Variants in ADGRV1 observed in about 807,000 individuals in gnomAD.
ADGRV1 encodes the protein G-protein coupled receptor 98.
In ADGRV1, 359 loss-of-function variants were observed where a neutral mutation model predicts 596.2. That is an observed-to-expected ratio of 0.60 (90% CI 0.55 to 0.66). The LOEUF (loss-of-function observed/expected upper bound fraction) is 0.66. Ranked by LOEUF, ADGRV1 falls within the 30% of genes least tolerant of loss-of-function variation. The pLI is 0.00. For missense variants in ADGRV1, 7,274 were observed against 7,575.6 expected, an observed-to-expected ratio of 0.96 and a Z score of 1.48; for synonymous variants, 2,681 against 2,679.2, an observed-to-expected ratio of 1.00 and a Z score of -0.02.
At chr5:90,819,606 G>C (rs1323602383) in intron 75 of ADGRV1, among the ~76,000 whole-genome samples, 16 of 150,814 alleles carry the variant, frequency 1.1e-4, no homozygotes, top group Admixed American at 7.9e-4. Flanking sequence ...AGAGATTCTG[G>C]TATGTTGTGT....
At chr5:90,925,219 G>T (rs902734831) in intron 83 of ADGRV1, among the ~76,000 whole-genome samples, 11 of 151,870 alleles carry the variant, frequency 7.2e-5, no homozygotes, top group Non-Finnish European at 1.5e-4. Flanking sequence ...AGTTACCTTG[G>T]GCAGTATGGC....
At chr5:90,843,866 A>G (rs942452751) in intron 78 of ADGRV1, among the ~76,000 whole-genome samples, 1 of 152,204 alleles carries the variant, frequency 6.6e-6, no homozygotes, top group Non-Finnish European at 1.5e-5. Context: ...AATGTATTTA[A>G]AAGTGCAAGA....
chr5:90,907,062 A>G (rs1252198674), intron 83 of ADGRV1, among the ~76,000 whole-genome samples: 1 of 152,176 alleles, frequency 6.6e-6, no homozygotes, highest in African/African-American at 2.4e-5. Flanking sequence ...GTTAAGATAC[A>G]TATATGAAAT....
intron 83 of ADGRV1, among the ~76,000 whole-genome samples, chr5:90,873,682 C>G (rs1768930597): frequency 6.6e-6 from 1 of 152,052 alleles, no homozygotes; most frequent in Non-Finnish European, 1.5e-5. Context: ...GTAGTCCCAG[C>G]TGCTCTGGAG....
chr5:90,886,959 T>C (rs1770357022), intron 83 of ADGRV1, among the ~76,000 whole-genome samples: 1 of 152,198 alleles, frequency 6.6e-6, no homozygotes, highest in African/African-American at 2.4e-5. Context: ...ATGTGACAAC[T>C]GAAATAGTCT....
Position 90,647,629 on chromosome 5 carries a change from T to A in ADGRV1, c.3154T>A (p.Phe1052Ile), listed in dbSNP as rs966044688. The change falls in exon 17 of 90, where the codon TTC becomes ATC. Residue 1052 changes from phenylalanine to isoleucine, a missense_variant. By Grantham distance (21) the Phe-to-Ile change is conservative. Coordinates refer to ENST00000405460, the MANE Select transcript of ADGRV1 (RefSeq NM_032119.4). ...DGKATARERD[F>I]IPVEKGETLI... Reference sequence around the variant, plus strand: ...GAAGGCTACTGCAAGAGAGAGAGATTTCATTCCTGTTGAAAAAGGAGAAAC... The same window carrying A: ...GAAGGCTACTGCAAGAGAGAGAGATATCATTCCTGTTGAAAAAGGAGAAAC... 2 of 1,613,836 alleles carry A rather than the reference T, an allele frequency of 1.2e-6. No homozygotes were observed. The highest frequency in any genetic ancestry group is 2.7e-5 in the African/African-American group (2 of 74,922).
chr5:90,653,947 C>T lies in ADGRV1; in HGVS notation c.4373C>T (p.Thr1458Ile), dbSNP rs562424836. The T allele has an allele frequency of 6.4e-7, 1 of 1,555,158 alleles. No individual in the cohort carries two copies. Among genetic ancestry groups the T allele is most frequent in the Non-Finnish European group, 8.7e-7 (1 of 1,148,622 alleles). ...AAGAGTCTGAAAGGAGAAGCCATTA[C>T]TGACGGTGAGGGTCATCATCACAAC... is the stretch of plus-strand genomic sequence containing the variant. ...GIKSLKGEAI[T>I]DGPGILRIGA... is the part of the protein sequence containing the mutation. Residue 1458 changes from threonine (T) to isoleucine (I), a missense_variant, in exon 20 of 90, where the codon ACT becomes ATT. Coordinates refer to ENST00000405460, the MANE Select transcript of ADGRV1 (RefSeq NM_032119.4).
At chr5:90,985,960 G>A (rs1780457647) in intron 85 of ADGRV1, among the ~76,000 whole-genome samples, 1 of 151,924 alleles carries the variant, frequency 6.6e-6, no homozygotes, top group Non-Finnish European at 1.5e-5. Context: ...CACAGTGAAT[G>A]GAGAGTGTCT....
At chr5:90,868,366 G>A (rs138589570) in intron 83 of ADGRV1, among the ~76,000 whole-genome samples, 409 of 152,046 alleles carry the variant, frequency 2.7e-3, no homozygotes, top group African/African-American at 9.5e-3. Context: ...ATTAATGAAA[G>A]GCTGCTGCTG....
chr5:90,768,852 G>A (rs192558831), intron 59 of ADGRV1, among the ~76,000 whole-genome samples: 1 of 152,264 alleles, frequency 6.6e-6, no homozygotes, highest in Admixed American at 6.5e-5. Context: ...TTTTTAGGAA[G>A]TGCTCTTGAG....
intron 65 of ADGRV1, among the ~76,000 whole-genome samples, chr5:90,781,980 G>A (rs975853619): frequency 6.6e-6 from 1 of 152,106 alleles, no homozygotes; most frequent in Admixed American, 6.6e-5. Flanking sequence ...GATGCAGGTA[G>A]TATCTGGATC....
intron 21 of ADGRV1, among the ~76,000 whole-genome samples, chr5:90,670,420 C>T (rs1226804576): frequency 6.6e-6 from 1 of 152,114 alleles, no homozygotes; most frequent in Admixed American, 6.5e-5. Context: ...CTGAGCAGTG[C>T]TTATGGTGTA....
intron 77 of ADGRV1, among the ~76,000 whole-genome samples, chr5:90,831,183 T>A (rs1764486339): frequency 6.6e-6 from 1 of 151,906 alleles, no homozygotes; most frequent in African/African-American, 2.4e-5. Context: ...TCAGCCTCCA[T>A]AACTGCATGA....
At chr5:91,082,483 T>C (rs1789479741) in intron 86 of ADGRV1, among the ~76,000 whole-genome samples, 2 of 152,118 alleles carry the variant, frequency 1.3e-5, no homozygotes, top group Non-Finnish European at 2.9e-5. Context: ...CGTGCTACCA[T>C]GACCAGCTAA....
intron 23 of ADGRV1, 112 bp from the exon 24 acceptor site, chr5:90,675,131 C>T: frequency 8.4e-6 from 6 of 711,016 alleles, no homozygotes; most frequent in South Asian, 2.6e-5. Context: ...AAATAAAGTC[C>T]CTCAGAATTT....
At chr5:90,713,936 C>CT (rs1453619543) in intron 42 of ADGRV1, among the ~76,000 whole-genome samples, 1 of 152,018 alleles carries the variant, frequency 6.6e-6, no homozygotes, top group African/African-American at 2.4e-5. Context: ...TGAGTCGTTT[C>CT]TTAAACCATG....
At chr5:90,799,779 C>G (rs1412152965) in intron 70 of ADGRV1, among the ~76,000 whole-genome samples, 1 of 152,152 alleles carries the variant, frequency 6.6e-6, no homozygotes, top group East Asian at 1.9e-4. Flanking sequence ...CACCACACAT[C>G]TACAACCATC....
At chr5:90,821,370 C>T (rs550409548) in intron 75 of ADGRV1, among the ~76,000 whole-genome samples, 1,777 of 151,014 alleles carry the variant, frequency 0.012, 35 homozygotes, top group African/African-American at 0.041. Flanking sequence ...AATGTCCTCC[C>T]GTAGCTCAGA....
intron 85 of ADGRV1, among the ~76,000 whole-genome samples, chr5:91,011,520 T>A (rs929485123): frequency 6.6e-6 from 1 of 152,000 alleles, no homozygotes; most frequent in Non-Finnish European, 1.5e-5. Context: ...TTACCTCATC[T>A]ATTTAGAACA....
Sources: allele counts gnomAD v4.1 joint callset (sites outside exome capture counted in the v4.1 genomes callset), GRCh38; gene constraint gnomAD v4.1.1; transcripts MANE v1.5; gene names NCBI Gene and HGNC (gene_info 2026-07-23, HGNC 2026-07-21).